HYAL4: variants seen among roughly 807,000 people sequenced by gnomAD.
The protein encoded by HYAL4 is hyaluronidase-4.
Under a neutral mutation model 35.2 loss-of-function variants are expected in HYAL4, and 37 were observed. That is an observed-to-expected ratio of 1.05 (90% confidence interval 0.81 to 1.38). The LOEUF (loss-of-function observed/expected upper bound fraction) is 1.38, where lower values mean the gene tolerates loss of function less well. Ranked by LOEUF, HYAL4 falls within the 40% of genes most tolerant of loss-of-function variation. The pLI is 0.00. For synonymous variants in HYAL4, 198 were observed against 203.2 expected (o/e 0.97, Z 0.22); for missense variants, 572 against 572.4 (o/e 1.00, Z 0.01).
chr7:123,877,284 C>A lies in HYAL4; in HGVS notation c.*129C>A. 2.2e-6 allele frequency: 2 copies of A among 913,692 alleles called. No individual in the cohort carries two copies. The highest frequency in any genetic ancestry group is 2.6e-5 in the East Asian group (1 of 38,808). 56.6% of individuals were successfully genotyped at this position (913,692 alleles called of 1,614,324 possible). ...TTATAAGTAGACATTATGTATGTCA[C>A]TTAACATAAACAGAAACATTATTTT... On this transcript the variant is annotated 3_prime_UTR_variant, in exon 5 of 5. Transcript: ENST00000223026.
intron 2 of HYAL4, among the ~76,000 whole-genome samples, chr7:123,849,221 CTTG>C (rs1218947815): frequency 1.3e-5 from 2 of 152,018 alleles, no homozygotes; most frequent in Admixed American, 1.3e-4. Context: ...GATAATAAAA[CTTG>C]TTATCTCTAG....
At chr7:123,823,866 C>T in the HYAL4 span, among the ~76,000 whole-genome samples, 1 of 151,994 alleles carries the variant, frequency 6.6e-6, no homozygotes, top group African/African-American at 2.4e-5. Flanking sequence ...ATAACTACTA[C>T]TTTTCTAAAG....
intron 3 of HYAL4, among the ~76,000 whole-genome samples, chr7:123,873,153 A>G (rs1175018832): frequency 6.6e-6 from 1 of 152,134 alleles, no homozygotes; most frequent in African/African-American, 2.4e-5. Context: ...CAGAGTCTGC[A>G]GTCTTGGTAC....
At chr7:123,774,737 C>T in the HYAL4 span, among the ~76,000 whole-genome samples, 1 of 152,208 alleles carries the variant, frequency 6.6e-6, no homozygotes, top group Non-Finnish European at 1.5e-5. Context: ...CCTGCCTATT[C>T]AGTTCCTTGA....
the HYAL4 span, among the ~76,000 whole-genome samples, chr7:123,797,481 C>G: frequency 2.0e-5 from 3 of 152,208 alleles, no homozygotes; most frequent in South Asian, 6.2e-4. Context: ...GACCCAGATA[C>G]TTGAAAGCTG....
chr7:123,831,634 T>G (rs1029019787), intron 1 of HYAL4, among the ~76,000 whole-genome samples: 1 of 152,230 alleles, frequency 6.6e-6, no homozygotes, highest in Non-Finnish European at 1.5e-5. Context: ...ACTTTTGGTC[T>G]GTATCAAATG....
In HYAL4 at chr7:123,876,997, G is replaced by A. The variant is rs1176211180; in HGVS notation, c.1288G>A (p.Ala430Thr). 3 of 1,614,208 alleles carry A rather than the reference G, an allele frequency of 1.9e-6. No homozygotes were observed. Among genetic ancestry groups the A allele is most frequent in the Non-Finnish European group, 2.5e-6 (3 of 1,180,034 alleles). Residue 430 changes from alanine to threonine, a missense_variant, in exon 5 of 5, where the codon GCA becomes ACA. Coordinates refer to ENST00000223026, the MANE Select transcript of HYAL4 (RefSeq NM_012269.3). ...ATCTGATACAGACCTGGCAGTGATG[G>A]CAGATACATTTTCCTGTCATTGTTA... ...KASDTDLAVM[A>T]DTFSCHCYQG...
chr7:123,797,810 G>A, the HYAL4 span, among the ~76,000 whole-genome samples: 1 of 152,146 alleles, frequency 6.6e-6, no homozygotes, highest in Non-Finnish European at 1.5e-5. Flanking sequence ...ATCAAAAATG[G>A]CAATTTGCAA....
chr7:123,771,671 T>C, the HYAL4 span, among the ~76,000 whole-genome samples: 4 of 152,206 alleles, frequency 2.6e-5, no homozygotes, highest in African/African-American at 7.2e-5. Flanking sequence ...ACTTGACTTA[T>C]TGGTTAGTGT....
chr7:123,765,757 T>C, the HYAL4 span, among the ~76,000 whole-genome samples: 3 of 152,130 alleles, frequency 2.0e-5, no homozygotes, highest in East Asian at 3.9e-4. Context: ...TTTATCTTAG[T>C]CTTCATATTT....
At chr7:123,855,562 G>A (rs1259221263) in intron 2 of HYAL4, among the ~76,000 whole-genome samples, 2 of 152,162 alleles carry the variant, frequency 1.3e-5, no homozygotes, top group Non-Finnish European at 2.9e-5. Context: ...TCTGCCAAGA[G>A]ATCTACTGTT....
the HYAL4 span, among the ~76,000 whole-genome samples, chr7:123,780,045 TA>T: frequency 6.6e-6 from 1 of 152,214 alleles, no homozygotes; most frequent in Non-Finnish European, 1.5e-5. Context: ...CTGTAGGCTC[TA>T]AAATCAGTTA....
intron 1 of HYAL4, among the ~76,000 whole-genome samples, chr7:123,831,623 T>C (rs1299198026): frequency 6.6e-6 from 1 of 152,252 alleles, no homozygotes; most frequent in Non-Finnish European, 1.5e-5. Flanking sequence ...ATTTCCTTTA[T>C]ACTTTTGGTC....
chr7:123,811,644 C>T, the HYAL4 span, among the ~76,000 whole-genome samples: 2 of 152,034 alleles, frequency 1.3e-5, no homozygotes, highest in African/African-American at 2.4e-5. Context: ...TTCTCATTTT[C>T]TTAACAGTGT....
chr7:123,806,529 T>A, the HYAL4 span, among the ~76,000 whole-genome samples: 1 of 152,038 alleles, frequency 6.6e-6, no homozygotes, highest in Non-Finnish European at 1.5e-5. Context: ...CCGCAACCTC[T>A]GCCTCACAGG....
chr7:123,876,647 T>C (rs557719301), intron 4 of HYAL4, 107 bp from the exon 5 acceptor site: 48 of 1,187,480 alleles, frequency 4.0e-5, no homozygotes, highest in Non-Finnish European at 5.3e-5. Context: ...AGAACTGTGC[T>C]AGAAGCTCTA....
At chr7:123,789,981 A>C in the HYAL4 span, among the ~76,000 whole-genome samples, 15 of 152,258 alleles carry the variant, frequency 9.9e-5, no homozygotes, top group African/African-American at 3.6e-4. Flanking sequence ...GGCAAGTCTG[A>C]AATTTGAAGG....
At chr7:123,845,111 A>C (rs921936947), upstream of HYAL4, 1 of 150,986 alleles carries the variant, frequency 6.6e-6, no homozygotes, top group African/African-American at 2.5e-5. Context: ...TGCGTCGATC[A>C]TGCTGGGAGT....
intron 1 of HYAL4, among the ~76,000 whole-genome samples, chr7:123,836,951 C>A (rs1027693783): frequency 9.2e-5 from 14 of 152,028 alleles, no homozygotes; most frequent in African/African-American, 3.4e-4. Flanking sequence ...TCGCTTGAAT[C>A]CTGGAGGCCA....
Sources: allele counts gnomAD v4.1 joint callset (sites outside exome capture counted in the v4.1 genomes callset), GRCh38; gene constraint gnomAD v4.1.1; transcripts MANE v1.5; gene names NCBI Gene and HGNC (gene_info 2026-07-23, HGNC 2026-07-21).